POLK: variants seen among roughly 807,000 people sequenced by gnomAD.
POLK encodes the protein DNA polymerase kappa.
POLK carries 76 observed loss-of-function variants against 94.0 expected under a neutral mutation model. The ratio of observed to expected loss-of-function variants is 0.81; its 90% confidence interval spans 0.67 to 0.98. The LOEUF is 0.98. Among genes scored for constraint, POLK ranks in the 50% least tolerant of loss-of-function variants. POLK has a pLI of 0.00. For missense variants in POLK, 954 were observed against 1,010.1 expected (o/e 0.94, Z 0.75); for synonymous variants, 349 against 325.4 (o/e 1.07, Z -0.78).
At chr5:75,579,989 AAG>A (rs1371560688) in intron 6 of POLK, among the ~76,000 whole-genome samples, 2 of 151,368 alleles carry the variant, frequency 1.3e-5, no homozygotes, top group Non-Finnish European at 2.9e-5. Flanking sequence ...AAAAAAAAAA[AAG>A]AGAGAAAGAA....
At chr5:75,587,370 G>A (rs1015316537) in intron 10 of POLK, among the ~76,000 whole-genome samples, 15 of 151,758 alleles carry the variant, frequency 9.9e-5, no homozygotes, top group Admixed American at 7.2e-4. Context: ...TATTTACTTC[G>A]GAAATTTAAG....
chr5:75,606,910 T>C, the POLK span, among the ~76,000 whole-genome samples: 1 of 152,108 alleles, frequency 6.6e-6, no homozygotes, highest in Non-Finnish European at 1.5e-5. Context: ...ACAAATGGTA[T>C]CATCCTAAAG....
chr5:75,570,077 C>T (rs1484212380), intron 4 of POLK, among the ~76,000 whole-genome samples: 3 of 152,096 alleles, frequency 2.0e-5, no homozygotes, highest in Admixed American at 6.6e-5. Context: ...ATAAATGTGA[C>T]GTGCTTGAAT....
intron 1 of POLK, among the ~76,000 whole-genome samples, chr5:75,528,356 A>G (rs1768972034): frequency 6.6e-6 from 1 of 152,138 alleles, no homozygotes; most frequent in Non-Finnish European, 1.5e-5. Context: ...GACATAGAAG[A>G]AAGTAATGAA....
At chr5:75,533,332 T>C (rs1236094628) in intron 1 of POLK, among the ~76,000 whole-genome samples, 3 of 152,254 alleles carry the variant, frequency 2.0e-5, no homozygotes, top group South Asian at 2.1e-4. Flanking sequence ...CACCATTTAT[T>C]GAATAGGGAG....
the POLK span, among the ~76,000 whole-genome samples, chr5:75,608,228 C>T: frequency 1.3e-5 from 2 of 151,256 alleles, no homozygotes; most frequent in Non-Finnish European, 2.9e-5. Context: ...GAGTCTTGCT[C>T]TGTCACCCAG....
At position 75,597,790 on chromosome 5, in the gene POLK, G is replaced by T; in HGVS notation, c.2528+1G>T. 6.7e-7 allele frequency: 1 copy of T among 1,503,736 alleles called. No individual in the cohort carries two copies. The highest frequency in any genetic ancestry group is 8.9e-7 in the Non-Finnish European group (1 of 1,121,384). The allele number at this position is 1,503,736 out of a possible 1,614,324, so 93.1% of individuals were successfully genotyped here. ...AGAAGGCTGTAACAAGAACAAAAAG[G>T]TATGGCTAATTTGAGCTTTAATAAA... On this transcript the variant is annotated splice_donor_variant, in intron 14 of 14. Coordinates refer to ENST00000241436, the Ensembl canonical transcript of POLK. LOFTEE classifies it high-confidence loss of function.
At chr5:75,541,418 T>A (rs1284062373) in intron 1 of POLK, among the ~76,000 whole-genome samples, 1 of 152,228 alleles carries the variant, frequency 6.6e-6, no homozygotes, top group East Asian at 1.9e-4. Context: ...GAAGATAATT[T>A]CCACTTATTG....
At chr5:75,519,290 T>G (rs1458968679) in intron 1 of POLK, among the ~76,000 whole-genome samples, 1 of 152,198 alleles carries the variant, frequency 6.6e-6, no homozygotes, top group Admixed American at 6.5e-5. Context: ...TTTTGAGACT[T>G]GTTTTGTGGC....
chr5:75,562,891 G>A (rs1009628505), intron 3 of POLK, among the ~76,000 whole-genome samples: 1 of 152,188 alleles, frequency 6.6e-6, no homozygotes, highest in Non-Finnish European at 1.5e-5. Flanking sequence ...GCTTTTTAAT[G>A]TACTGCTGGA....
chr5:75,603,968 A>G (rs1325527057), downstream of POLK, among the ~76,000 whole-genome samples: 1 of 152,188 alleles, frequency 6.6e-6, no homozygotes, highest in Non-Finnish European at 1.5e-5. Flanking sequence ...AGGCCCCAAG[A>G]GATCCTGGGC....
intron 1 of POLK, among the ~76,000 whole-genome samples, chr5:75,532,354 A>C: frequency 6.6e-6 from 1 of 152,022 alleles, no homozygotes; most frequent in East Asian, 1.9e-4. Context: ...TTTCTATGTT[A>C]GTTTGCTTAG....
intron 2 of POLK, among the ~76,000 whole-genome samples, chr5:75,548,107 A>G (rs1254810988): frequency 1.3e-5 from 2 of 152,056 alleles, no homozygotes; most frequent in East Asian, 3.9e-4. Context: ...TTTTTTGTAG[A>G]GAGGCGGTCT....
intron 1 of POLK, among the ~76,000 whole-genome samples, chr5:75,540,220 G>A (rs985399182): frequency 2.0e-5 from 3 of 151,862 alleles, no homozygotes; most frequent in South Asian, 4.2e-4. Flanking sequence ...AAGATAAATA[G>A]CACAGTATCT....
rs80003676 is a variant in POLK at position 75,592,134 on chromosome 5, A to G, written c.1356+1694A>G. On this transcript the variant is annotated intron_variant, in intron 11 of 14. Transcript: ENST00000241436. ...GTACAGTTCATATTGTTTTATAACC[A>G]TCACCACCACCCATCTCTAGAACTG... Among the ~76,000 whole-genome samples the G allele has an allele frequency of 1.1e-3, 163 of 152,340 alleles. 1 individual carries two copies. In the East Asian group the frequency reaches 0.027, roughly 25 times the overall value.
chr5:75,511,547 G>T (rs753622152), upstream of POLK: 1 of 1,459,286 alleles, frequency 6.9e-7, no homozygotes. Flanking sequence ...GGGAAAAGAA[G>T]GGAAGAGAAA....
At chr5:75,559,773 C>G (rs1415418758) in intron 3 of POLK, among the ~76,000 whole-genome samples, 1 of 151,908 alleles carries the variant, frequency 6.6e-6, no homozygotes, top group African/African-American at 2.4e-5. Flanking sequence ...CTCCTGGCCT[C>G]AAGCTACCCT....
chr5:75,597,920 C>A lies in POLK; in HGVS notation c.2529-14C>A. ...TCTTCCTGCATTTTAATTGTGTGTT[C>A]CTTTTCATTCTAGGCCAGGATTGAT... On this transcript the variant is annotated splice_polypyrimidine_tract_variant and intron_variant, in intron 14 of 14. Transcript: ENST00000241436. 1 of 1,380,328 alleles carries A rather than the reference C, an allele frequency of 7.2e-7. No individual in the cohort carries two copies. 85.5% of individuals were successfully genotyped at this position (1,380,328 alleles called of 1,614,324 possible).
intron 11 of POLK, among the ~76,000 whole-genome samples, chr5:75,591,286 A>G (rs955809160): frequency 6.6e-6 from 1 of 152,192 alleles, no homozygotes; most frequent in Non-Finnish European, 1.5e-5. Flanking sequence ...TGTTCATATA[A>G]TGCATCAGTA....
Sources: gnomAD v4.1 joint callset for allele counts (sites outside exome capture counted in the v4.1 genomes callset) on GRCh38, gnomAD v4.1.1 for gene constraint, MANE v1.5 for transcripts, NCBI Gene and HGNC (gene_info 2026-07-23, HGNC 2026-07-21) for gene names.